Variants in SPATA7 observed in about 807,000 individuals in gnomAD.
SPATA7 encodes the protein spermatogenesis associated 7.
In SPATA7, 43 loss-of-function variants were observed where a neutral mutation model predicts 51.8. That is an observed-to-expected ratio of 0.83 (90% confidence interval 0.65 to 1.07). The LOEUF (loss-of-function observed/expected upper bound fraction) is 1.07, where lower values mean the gene tolerates loss of function less well. Among genes scored for constraint, SPATA7 ranks in the 50% least tolerant of loss-of-function variants. The pLI is 0.00. For synonymous variants in SPATA7, 230 were observed against 252.8 expected (o/e 0.91, Z 0.86); for missense variants, 683 against 701.3 (o/e 0.97, Z 0.30).
In SPATA7 at chr14:88,469,879, C is replaced by A; in HGVS notation, c.*12C>A. The A allele has an allele frequency of 1.9e-6, 3 of 1,612,342 alleles. No homozygotes were observed. Among genetic ancestry groups the A allele is most frequent in the Non-Finnish European group, 2.5e-6 (3 of 1,178,628 alleles). Reference sequence around the variant, plus strand: ...TTCCAGATGATTAACATTAACTGTTCTTCAGAGGCTGAGAAAATCACTTAA... The same window carrying A: ...TTCCAGATGATTAACATTAACTGTTATTCAGAGGCTGAGAAAATCACTTAA... On this transcript the variant is annotated 3_prime_UTR_variant, in exon 5 of 5. Transcript: ENST00000556406. This position sits in a 1 kb window ranked among gnomAD's most constrained non-coding sequence, Gnocchi z 4.3.
chr14:88,452,421 G>A (rs2077256745), intron 3 of SPATA7, among the ~76,000 whole-genome samples: 1 of 152,198 alleles, frequency 6.6e-6, no homozygotes, highest in Non-Finnish European at 1.5e-5. Flanking sequence ...AGGAGGTGGC[G>A]CTTTCAAGAG....
Position 88,445,066 on chromosome 14 carries a change from T to A in SPATA7, c.177+7163T>A, listed in dbSNP as rs1193525011. 3.3e-5 allele frequency among the ~76,000 whole-genome samples: 5 copies of A among 152,108 alleles called. No individual in the cohort carries two copies. The East Asian group carries it at 9.7e-4, about 29-fold the overall frequency. On this transcript the variant is annotated intron_variant, in intron 3 of 3. Coordinates refer to the SPATA7 transcript ENST00000554802. The stretch of plus-strand genomic sequence containing the variant: ...TGGGGATGGCATTGAATCTGTAAAT[T>A]ACCTTGGGCAGTATGGCCATTTTCA...
chr14:88,429,560 A>G (rs2076886282), intron 8 of SPATA7, 97 bp downstream of exon 8: 3 of 748,036 alleles, frequency 4.0e-6, no homozygotes, highest in African/African-American at 1.7e-5. Flanking sequence ...ATTTAATTGC[A>G]TGCTCCAATC....
intron 3 of SPATA7, among the ~76,000 whole-genome samples, chr14:88,394,558 G>A (rs117789863): frequency 4.2e-3 from 634 of 152,212 alleles, no homozygotes; most frequent in Non-Finnish European, 5.9e-3. Flanking sequence ...TTCACCAGTT[G>A]TTAAACATTT....
At chr14:88,468,811 C>G in intron 4 of SPATA7, 1 of 1,432,616 alleles carries the variant, frequency 7.0e-7, no homozygotes, top group Non-Finnish European at 9.7e-7. Flanking sequence ...GAGGCCACCA[C>G]AGTCCAAGGA....
At chr14:88,388,780 G>A (rs150648772) in intron 1 of SPATA7, among the ~76,000 whole-genome samples, 2 of 152,052 alleles carry the variant, frequency 1.3e-5, no homozygotes, top group Admixed American at 1.3e-4. Flanking sequence ...ACTGTATTTG[G>A]TACCTAGAAT....
intron 4 of SPATA7, chr14:88,467,078 C>T (rs942003311): frequency 6.6e-6 from 1 of 152,164 alleles, no homozygotes; most frequent in Non-Finnish European, 1.5e-5. Flanking sequence ...CATCCCAGCA[C>T]CTCAGTCTGA....
At chr14:88,423,193 T>C (rs11846988) in intron 5 of SPATA7, among the ~76,000 whole-genome samples, 15,721 of 151,938 alleles carry the variant, frequency 0.1, 1,043 homozygotes, top group African/African-American at 0.18. Flanking sequence ...GCACTTACTG[T>C]GTGCTTTTAA....
chr14:88,461,467 T>C (rs563768138), intron 4 of SPATA7, among the ~76,000 whole-genome samples: 13 of 152,234 alleles, frequency 8.5e-5, no homozygotes, highest in Admixed American at 7.2e-4. Flanking sequence ...ACCGCTGTGC[T>C]AGCAGTGAGT....
At chr14:88,393,602 ATTTG>A (rs1285463542) in intron 3 of SPATA7, 114 bp downstream of exon 3, 1 of 858,708 alleles carries the variant, frequency 1.2e-6, no homozygotes, top group Non-Finnish European at 1.9e-6. Flanking sequence ...GAGGATTTGT[ATTTG>A]TTTGGTTTAG....
At chr14:88,446,900 C>T (rs2077217528) in intron 3 of SPATA7, among the ~76,000 whole-genome samples, 1 of 152,012 alleles carries the variant, frequency 6.6e-6, no homozygotes, top group Admixed American at 6.6e-5. Context: ...AGCTTTACTT[C>T]CAAGTATGTG....
chr14:88,454,945 A>G (rs2077274650), intron 3 of SPATA7: 1 of 385,558 alleles, frequency 2.6e-6, no homozygotes, highest in Non-Finnish European at 5.1e-6. Flanking sequence ...CTCAAACTTT[A>G]ATGTGTATCA....
At chr14:88,451,083 A>T (rs895901903) in intron 3 of SPATA7, among the ~76,000 whole-genome samples, 2 of 152,124 alleles carry the variant, frequency 1.3e-5, no homozygotes, top group Non-Finnish European at 2.9e-5. Context: ...CATTTGTTCA[A>T]TTCTATTGCT....
intron 5 of SPATA7, among the ~76,000 whole-genome samples, chr14:88,423,601 C>G (rs923016481): frequency 1.3e-5 from 2 of 151,040 alleles, no homozygotes; most frequent in African/African-American, 4.9e-5. Flanking sequence ...TAGTGAAAAT[C>G]AAGAGCTATA....
exon 4 of SPATA7, chr14:88,455,247 G>C: frequency 1.7e-5 from 6 of 359,092 alleles, no homozygotes; most frequent in South Asian, 1.3e-4. Flanking sequence ...GATTAATGAA[G>C]CTGGCTAGTT....
intron 4 of SPATA7, among the ~76,000 whole-genome samples, chr14:88,407,825 T>G (rs1041131679): frequency 3.9e-5 from 6 of 152,212 alleles, no homozygotes; most frequent in African/African-American, 1.4e-4. Context: ...TTTCTGCATA[T>G]GGCTAGCCAG....
chr14:88,404,393 A>G (rs185151023), intron 4 of SPATA7, among the ~76,000 whole-genome samples: 302 of 152,332 alleles, frequency 2.0e-3, no homozygotes, highest in Middle Eastern at 3.4e-3. Context: ...TGAATAGAAA[A>G]GAGTAGTAGA....
At chr14:88,467,219 A>ATTGT (rs1566801903) in intron 4 of SPATA7, 2 of 152,154 alleles carry the variant, frequency 1.3e-5, no homozygotes, top group African/African-American at 4.8e-5. Context: ...CTCAGCGCCC[A>ATTGT]TTGTTATTGT....
At chr14:88,460,209 T>G (rs999115163), downstream of SPATA7, among the ~76,000 whole-genome samples, 1 of 152,142 alleles carries the variant, frequency 6.6e-6, no homozygotes, top group Non-Finnish European at 1.5e-5. Flanking sequence ...TTCTCGAGGA[T>G]TATCTTTATG....
Sources: allele counts gnomAD v4.1 joint callset (sites outside exome capture counted in the v4.1 genomes callset), GRCh38; gene constraint gnomAD v4.1.1; non-coding constraint Gnocchi (gnomAD v3.1); transcripts MANE v1.5; gene names NCBI Gene and HGNC (gene_info 2026-07-23, HGNC 2026-07-21).